The following TAB2 variants were observed in gnomAD, a reference collection of about 807,000 sequenced individuals.
The protein encoded by TAB2 is TGF-beta-activated kinase 1 and MAP3K7-binding protein 2.
Under a neutral mutation model 65.0 loss-of-function variants are expected in TAB2, and 3 were observed. That is an observed-to-expected ratio of 0.05 (90% CI 0.02 to 0.12). TAB2 has a LOEUF of 0.12. Among genes scored for constraint, TAB2 ranks in the 10% least tolerant of loss-of-function variants. The pLI is 1.00. For synonymous variants in TAB2, 298 were observed against 285.1 expected, an observed-to-expected ratio of 1.05 and a Z score of -0.46; for missense variants, 623 against 840.3, an observed-to-expected ratio of 0.74 and a Z score of 3.20.
intron 1 of TAB2, among the ~76,000 whole-genome samples, chr6:149,363,862 A>G (rs1185279969): frequency 6.6e-6 from 1 of 152,070 alleles, no homozygotes; most frequent in East Asian, 1.9e-4. Flanking sequence ...CCTAGATTCC[A>G]CAGGTTCAGA....
chr6:149,234,860 G>T (rs917366363), intron 1 of TAB2, among the ~76,000 whole-genome samples: 5 of 106,318 alleles, frequency 4.7e-5, no homozygotes, highest in African/African-American at 1.0e-4. Context: ...AGATTAGAGA[G>T]TGTGAAAAAA....
At chr6:149,232,951 C>T (rs6921436) in intron 1 of TAB2, among the ~76,000 whole-genome samples, 13,685 of 152,116 alleles carry the variant, frequency 0.09, 993 homozygotes, top group African/African-American at 0.21. Context: ...GTGTGGAAGT[C>T]GAAGCCCAAA....
At chr6:149,365,825 T>C (rs1041985376) in intron 1 of TAB2, among the ~76,000 whole-genome samples, 2 of 152,110 alleles carry the variant, frequency 1.3e-5, no homozygotes, top group African/African-American at 4.8e-5. Context: ...TTTTTATTCA[T>C]CCTTCAGATT....
At chr6:149,273,956 C>CTACTTAG (rs1336267264) in intron 1 of TAB2, among the ~76,000 whole-genome samples, 2 of 152,206 alleles carry the variant, frequency 1.3e-5, no homozygotes. Context: ...AAATCTGCTG[C>CTACTTAG]TACTTAGTAT....
chr6:149,311,445 A>G (rs1779165599), intron 1 of TAB2, among the ~76,000 whole-genome samples: 2 of 152,158 alleles, frequency 1.3e-5, no homozygotes, highest in Admixed American at 1.3e-4. Context: ...TATTGCCATT[A>G]ATAGTTGTTT....
intron 1 of TAB2, chr6:149,244,752 T>C (rs529379302): frequency 6.6e-6 from 1 of 151,746 alleles, no homozygotes; most frequent in East Asian, 1.9e-4. Context: ...GGCGTGGGGG[T>C]GCATGCCTGT....
chr6:149,311,783 A>G (rs1779170733), intron 1 of TAB2, among the ~76,000 whole-genome samples: 1 of 46,284 alleles, frequency 2.2e-5, no homozygotes, highest in Non-Finnish European at 5.7e-5. Context: ...AAGATCTTAT[A>G]TTGGAATCTA....
At chr6:149,339,050 A>T (rs1780019812) in intron 1 of TAB2, among the ~76,000 whole-genome samples, 1 of 152,218 alleles carries the variant, frequency 6.6e-6, no homozygotes, top group Non-Finnish European at 1.5e-5. Flanking sequence ...TGGGAAGCAC[A>T]GATAGCGTAA....
chr6:149,356,216 G>A (rs1780649889), intron 1 of TAB2, among the ~76,000 whole-genome samples: 1 of 152,140 alleles, frequency 6.6e-6, no homozygotes, highest in Admixed American at 6.5e-5. Context: ...CATTCAACAG[G>A]TATTTGTAGA....
At chr6:149,261,710 A>G (rs1014807703) in intron 1 of TAB2, among the ~76,000 whole-genome samples, 6 of 152,252 alleles carry the variant, frequency 3.9e-5, no homozygotes, top group Admixed American at 6.5e-5. Flanking sequence ...TGACGAAAAA[A>G]GGAAAAAGAG....
At chr6:149,264,147 G>A (rs1208753760) in intron 1 of TAB2, among the ~76,000 whole-genome samples, 2 of 152,208 alleles carry the variant, frequency 1.3e-5, no homozygotes, top group Non-Finnish European at 2.9e-5. Flanking sequence ...CCTGAACAAG[G>A]AGGAGTCACG....
At chr6:149,220,895 GC>G (rs762031818) in intron 1 of TAB2, 17 of 152,192 alleles carry the variant, frequency 1.1e-4, no homozygotes, top group African/African-American at 1.7e-4. Context: ...GGGATTACAA[GC>G]GTGAACCACC....
At position 149,370,072 on chromosome 6, in the gene TAB2, A is replaced by C. The variant is rs2114857480; in HGVS notation, c.75A>C (p.Glu25Asp). The C allele has an allele frequency of 6.2e-7, 1 of 1,614,074 alleles. No homozygotes were observed. The highest frequency in any genetic ancestry group is 1.7e-4 in the Middle Eastern group (1 of 6,056). ...GACAAAAATTCCCTGAAGTACCTGAAGTTGTTGTATCCAGGTGCATGTTAC... is the reference window on the plus strand; with the variant it reads ...GACAAAAATTCCCTGAAGTACCTGACGTTGTTGTATCCAGGTGCATGTTAC... ...DLRQKFPEVP[E>D]VVVSRCMLQN... Residue 25 changes from glutamate (E) to aspartate (D), a missense_variant, in exon 2 of 7, where the codon GAA (glutamate) becomes GAC (aspartate). Around this residue, in one of 3 missense-constraint regions of TAB2, gnomAD observed 17 missense variants for 44.2 expected, o/e 0.38. Transcript: ENST00000637181.
At chr6:149,311,488 C>A (rs559147339) in intron 1 of TAB2, among the ~76,000 whole-genome samples, 1 of 152,158 alleles carries the variant, frequency 6.6e-6, no homozygotes, top group Admixed American at 6.6e-5. Context: ...ATATGTCTTG[C>A]GCAATGGTAT....
At chr6:149,303,654 A>C (rs2114705423) in intron 1 of TAB2, among the ~76,000 whole-genome samples, 1 of 152,360 alleles carries the variant, frequency 6.6e-6, no homozygotes, top group African/African-American at 2.4e-5. Flanking sequence ...ATTGTGCAAT[A>C]AAAAAGTAAA....
At chr6:149,223,887 C>T (rs1009695303) in intron 1 of TAB2, among the ~76,000 whole-genome samples, 1 of 151,954 alleles carries the variant, frequency 6.6e-6, no homozygotes, top group Non-Finnish European at 1.5e-5. Flanking sequence ...CTACACACCT[C>T]CCCCTTTAGG....
rs1782828875 is a variant in TAB2, at chr6:149,410,746, TAAAAC to T, written c.*1032_*1036del. 6.6e-6 allele frequency: 1 copy of T among 152,620 alleles called. No individual in the cohort carries two copies. Among genetic ancestry groups the T allele is most frequent in the Non-Finnish European group, 1.5e-5 (1 of 68,038 alleles). The allele number at this position is 152,620 out of a possible 1,614,324, so 9.5% of individuals were successfully genotyped here. On this transcript the variant is annotated 3_prime_UTR_variant, in exon 7 of 7. Coordinates refer to ENST00000637181, the MANE Select transcript of TAB2 (RefSeq NM_001292034.3). ...AGTGTTTGTCTTCCACAGGGAAGCT[TAAAAC>T]AAAAGATATTTTTAACCCACTGACA... is the stretch of plus-strand genomic sequence containing the variant.
chr6:149,317,715 GT>G lies in TAB2; in HGVS notation c.-385del. On this transcript the variant is annotated 5_prime_UTR_variant, in exon 1 of 7. Coordinates refer to ENST00000637181, the MANE Select transcript of TAB2 (RefSeq NM_001292034.3). The surrounding 1 kb of genome is among the most constrained non-coding windows in gnomAD (Gnocchi z 4.7). The stretch of plus-strand genomic sequence containing the variant: ...GGAGCGGCGACGCCGCCCAGCCGTC[GT>G]TTTTGATCTGCTGCAGCCGCCGGCG... The G allele has an allele frequency of 6.3e-6, 1 of 157,804 alleles. No individual in the cohort carries two copies. Among genetic ancestry groups the G allele is most frequent in the Non-Finnish European group, 1.4e-5 (1 of 71,432 alleles). 9.8% of individuals were successfully genotyped at this position (157,804 alleles called of 1,614,324 possible). A position where few individuals can be genotyped will look rare whatever the true frequency, so the allele number is the denominator to read the frequency against.
At chr6:149,386,668 T>G (rs237037) in intron 3 of TAB2, among the ~76,000 whole-genome samples, 18,399 of 152,194 alleles carry the variant, frequency 0.12, 1,113 homozygotes, top group African/African-American at 0.15. Context: ...AGACATTTTG[T>G]TTTTTTCCAC....
Sources: allele counts gnomAD v4.1 joint callset (sites outside exome capture counted in the v4.1 genomes callset), GRCh38; gene constraint gnomAD v4.1.1; regional missense constraint gnomAD v4.1.1; non-coding constraint Gnocchi (gnomAD v3.1); transcripts MANE v1.5; gene names NCBI Gene and HGNC (gene_info 2026-07-23, HGNC 2026-07-21).